Variants in PRSS23 observed in about 807,000 individuals in gnomAD.
PRSS23 encodes the protein protease, serine 23.
Under a neutral mutation model 34.7 loss-of-function variants are expected in PRSS23, and 25 were observed. The observed-to-expected ratio is 0.72, with a 90% CI of 0.53 to 1.01. The LOEUF (loss-of-function observed/expected upper bound fraction) is 1.01, where lower values mean the gene tolerates loss of function less well. Ranked by LOEUF, PRSS23 falls within the 50% of genes least tolerant of loss-of-function variation. The pLI is 0.00. For synonymous variants in PRSS23, 176 were observed against 186.6 expected, an observed-to-expected ratio of 0.94 and a Z score of 0.46; for missense variants, 445 against 475.6, an observed-to-expected ratio of 0.94 and a Z score of 0.60.
Position 86,842,627 on chromosome 11 carries a change from C to A in PRSS23, c.206+19034C>A, listed in dbSNP as rs552707037. Among the ~76,000 whole-genome samples the A allele has an allele frequency of 9.4e-4, 143 of 152,074 alleles. 1 individual carries two copies. Among genetic ancestry groups the A allele is most frequent in the African/African-American group, 3.3e-3 (135 of 41,532 alleles). On this transcript the variant is annotated intron_variant, in intron 2 of 2. Coordinates refer to the PRSS23 transcript ENST00000533902. Reference sequence around the variant, plus strand: ...TGCAAAAATGACAAGCATTCCTATACACCAATAATAGAGAGCTAAATCATA... The same window carrying A: ...TGCAAAAATGACAAGCATTCCTATAAACCAATAATAGAGAGCTAAATCATA...
At chr11:86,804,317 C>T (rs1948074723) in intron 1 of PRSS23, among the ~76,000 whole-genome samples, 1 of 152,106 alleles carries the variant, frequency 6.6e-6, no homozygotes, top group African/African-American at 2.4e-5. Context: ...ATTTGATGGG[C>T]ATTAGTTTCT....
chr11:86,930,298 T>C (rs1416877636), intron 2 of PRSS23, among the ~76,000 whole-genome samples: 2 of 152,164 alleles, frequency 1.3e-5, no homozygotes, highest in Non-Finnish European at 2.9e-5. Context: ...GTATAAGCTA[T>C]TCAAAAATTG....
chr11:86,930,044 T>A (rs1210897069), intron 2 of PRSS23, among the ~76,000 whole-genome samples: 1 of 152,018 alleles, frequency 6.6e-6, no homozygotes, highest in Non-Finnish European at 1.5e-5. Flanking sequence ...TATACAAATA[T>A]AGTATTATAC....
rs759432455 is a variant in PRSS23 at position 86,952,407 on chromosome 11, A to G, written c.*1122A>G. On this transcript the variant is annotated 3_prime_UTR_variant, in exon 3 of 3. Transcript: ENST00000533902. ...TTGACTGAAAGACACATGCCGCCGC[A>G]TGGGCCAATGGGGATGTTGATCTTC... The G allele has an allele frequency of 1.2e-6, 2 of 1,614,014 alleles. No homozygotes were observed. The highest frequency in any genetic ancestry group is 1.7e-6 in the Non-Finnish European group (2 of 1,179,994).
At chr11:86,893,901 G>A (rs554482291) in intron 2 of PRSS23, among the ~76,000 whole-genome samples, 4 of 152,346 alleles carry the variant, frequency 2.6e-5, no homozygotes, top group African/African-American at 7.2e-5. Flanking sequence ...GAATACTGAA[G>A]TGAATTTACA....
At chr11:86,824,316 A>C (rs1948279554) in intron 2 of PRSS23, among the ~76,000 whole-genome samples, 1 of 128,280 alleles carries the variant, frequency 7.8e-6, no homozygotes, top group East Asian at 2.3e-4. Context: ...TGTGTCAAAA[A>C]TAAAAATAAA....
At chr11:86,811,393 A>G (rs1469512908), downstream of PRSS23, among the ~76,000 whole-genome samples, 1 of 152,212 alleles carries the variant, frequency 6.6e-6, no homozygotes, top group South Asian at 2.1e-4. Context: ...ACCAGACCCT[A>G]TAACCAGGAT....
Position 86,823,587 on chromosome 11 carries a change from C to A in PRSS23, c.200C>A (p.Ser67Ter). 1 of 702,502 alleles carries A rather than the reference C, an allele frequency of 1.4e-6. No homozygotes were observed. The highest frequency in any genetic ancestry group is 1.5e-5 in the South Asian group (1 of 67,520). The allele number at this position is 702,502 out of a possible 1,614,324, so 43.5% of individuals were successfully genotyped here. A position where few individuals can be genotyped will look rare whatever the true frequency, so the allele number is the denominator to read the frequency against. Residue 67 changes from serine to a stop codon, truncating the protein, a stop_gained, in exon 2 of 3, where the codon TCG becomes TAG. Transcript: ENST00000533902. LOFTEE classifies it high-confidence loss of function. Reference sequence around the variant, plus strand: ...GCTTTCATGGAGTTCACAGAAGAGTCGAGGAGGTAAGTTCATATCAGATTA... The same window carrying A: ...GCTTTCATGGAGTTCACAGAAGAGTAGAGGAGGTAAGTTCATATCAGATTA...
intron 2 of PRSS23, chr11:86,833,483 A>G: frequency 2.9e-6 from 1 of 346,502 alleles, no homozygotes; most frequent in South Asian, 3.0e-5. Context: ...GTATATATAT[A>G]TATATATTTA....
intron 2 of PRSS23, among the ~76,000 whole-genome samples, chr11:86,876,937 TGAGTA>T (rs1435072145): frequency 6.6e-6 from 1 of 152,228 alleles, no homozygotes; most frequent in Non-Finnish European, 1.5e-5. Context: ...TAATGTCAAC[TGAGTA>T]AAGAGTCTCC....
intron 2 of PRSS23, among the ~76,000 whole-genome samples, chr11:86,831,496 C>A (rs148604135): frequency 1.3e-5 from 2 of 151,776 alleles, no homozygotes; most frequent in East Asian, 3.9e-4. Flanking sequence ...TAATGTTACA[C>A]GTGGTATACA....
Position 86,944,493 on chromosome 11 carries a change from G to A in PRSS23, c.207-6723G>A, listed in dbSNP as rs1466980281. On this transcript the variant is annotated intron_variant, in intron 2 of 2. Coordinates refer to the PRSS23 transcript ENST00000533902. ...CAACCAAAACCCTGAGTTGGGCATG[G>A]GAAGACCTGCTGACCAACCTTCTCC... is the stretch of plus-strand genomic sequence containing the variant. Among the ~76,000 whole-genome samples the A allele has an allele frequency of 3.3e-5, 5 of 152,256 alleles. No individual in the cohort carries two copies. The East Asian group carries it at 7.7e-4, about 24-fold the overall frequency.
At chr11:86,851,214 G>C (rs879422733) in intron 2 of PRSS23, among the ~76,000 whole-genome samples, 1 of 152,178 alleles carries the variant, frequency 6.6e-6, no homozygotes, top group Non-Finnish European at 1.5e-5. Context: ...TATCTGAGTT[G>C]CATTTTGAAA....
rs149457342 is a variant in PRSS23 at position 86,869,654 on chromosome 11, A to G, written c.206+46061A>G. Among the ~76,000 whole-genome samples, 382 of 152,248 alleles carry G rather than the reference A, an allele frequency of 2.5e-3. 5 individuals are homozygous for G. In the East Asian group the frequency reaches 0.048, roughly 19 times the overall value. On this transcript the variant is annotated intron_variant, in intron 2 of 2. Coordinates refer to the PRSS23 transcript ENST00000533902. ...TTACAGAGCTGGATTAACTTCTGCA[A>G]TGCCTCTCAAACGTGATGGTTTAGC... is the stretch of plus-strand genomic sequence containing the variant.
At chr11:86,933,897 G>A (rs1282665788) in intron 2 of PRSS23, 1 of 152,166 alleles carries the variant, frequency 6.6e-6, no homozygotes, top group Non-Finnish European at 1.5e-5. Flanking sequence ...ATGATGCGAC[G>A]AGATCATTGG....
chr11:86,907,475 G>GT (rs879567332), intron 2 of PRSS23, among the ~76,000 whole-genome samples: 34 of 131,590 alleles, frequency 2.6e-4, no homozygotes, highest in South Asian at 4.8e-4. Context: ...ACAATTTTTT[G>GT]TGTTTTTTTG....
intron 2 of PRSS23, among the ~76,000 whole-genome samples, chr11:86,889,871 C>A (rs78153301): frequency 0.038 from 5,712 of 152,272 alleles, 143 homozygotes; most frequent in Middle Eastern, 0.12. Context: ...CTGTTAGAAT[C>A]ATCTGGAGAG....
chr11:86,897,365 C>G (rs773224442), intron 2 of PRSS23, among the ~76,000 whole-genome samples: 1 of 151,576 alleles, frequency 6.6e-6, no homozygotes, highest in Non-Finnish European at 1.5e-5. Context: ...GGCCTACTCT[C>G]AACGTGCTGG....
At chr11:86,819,568 A>G (rs1350961630) in intron 1 of PRSS23, among the ~76,000 whole-genome samples, 1 of 152,144 alleles carries the variant, frequency 6.6e-6, no homozygotes, top group Non-Finnish European at 1.5e-5. Flanking sequence ...CTTAAGAGAT[A>G]GTGGGGGTTG....
Sources: allele counts gnomAD v4.1 joint callset (sites outside exome capture counted in the v4.1 genomes callset), GRCh38; gene constraint gnomAD v4.1.1; transcripts MANE v1.5; gene names NCBI Gene and HGNC (gene_info 2026-07-23, HGNC 2026-07-21).